The following POLR2F variants were observed in gnomAD, a reference collection of about 807,000 sequenced individuals.
POLR2F encodes the protein RNA polymerase II, I and III subunit F, also known as DNA-directed RNA polymerases I, II, and III subunit RPABC2.
In POLR2F, 12 loss-of-function variants were observed where a neutral mutation model predicts 22.7. The ratio of observed to expected loss-of-function variants is 0.53; its 90% CI spans 0.34 to 0.86. The LOEUF is 0.86. Ranked by LOEUF, POLR2F falls within the 40% of genes least tolerant of loss-of-function variation. The pLI, the probability that POLR2F is intolerant of heterozygous loss-of-function variation, is 0.02. For synonymous variants in POLR2F, 57 were observed against 66.0 expected (o/e 0.86, Z 0.66); for missense variants, 126 against 171.5 (o/e 0.73, Z 1.48).
chr22:37,975,806 C>T (rs1212164789), intron 4 of POLR2F, among the ~76,000 whole-genome samples: 2 of 152,076 alleles, frequency 1.3e-5, no homozygotes, highest in Middle Eastern at 3.2e-3. Context: ...TTTCTGGAAG[C>T]CTTCCTTGAC....
At chr22:37,971,109 G>C, downstream of POLR2F, 1 of 396,634 alleles carries the variant, frequency 2.5e-6, no homozygotes, top group South Asian at 1.9e-5. Context: ...GGAAGGAAGG[G>C]AGCTGAGGAT....
At chr22:38,003,319 C>T (rs905749412) in intron 1 of POLR2F, among the ~76,000 whole-genome samples, 47 of 151,730 alleles carry the variant, frequency 3.1e-4, no homozygotes, top group Non-Finnish European at 3.1e-4. Flanking sequence ...CTCCGCCTCC[C>T]GGGTTCGAGC....
rs1466375092 is a variant in POLR2F at position 37,980,717 on chromosome 22, C to G, written c.293+13547C>G. Among the ~76,000 whole-genome samples the G allele has an allele frequency of 6.6e-6, 1 of 152,242 alleles. No homozygotes were observed. Among genetic ancestry groups the G allele is most frequent in the Non-Finnish European group, 1.5e-5 (1 of 68,040 alleles). ...CCTCATCTGCACCTTCCTGTCAGCCCTCTTTCTCCCTGGTCTCCCAGGTTT... is the reference window on the plus strand; with the variant it reads ...CCTCATCTGCACCTTCCTGTCAGCCGTCTTTCTCCCTGGTCTCCCAGGTTT... On this transcript the variant is annotated intron_variant, in intron 4 of 4. Transcript: ENST00000405557. The surrounding 1 kb of genome is among the most constrained non-coding windows in gnomAD (Gnocchi z 4.1).
chr22:38,030,168 T>C (rs531791590), downstream of POLR2F, among the ~76,000 whole-genome samples: 1 of 152,116 alleles, frequency 6.6e-6, no homozygotes, highest in South Asian at 2.1e-4. Flanking sequence ...CTTTTATTGG[T>C]GGCAAGTGGG....
chr22:37,979,950 G>A (rs891930202), intron 4 of POLR2F, among the ~76,000 whole-genome samples: 17 of 151,980 alleles, frequency 1.1e-4, no homozygotes, highest in African/African-American at 3.4e-4. Flanking sequence ...TCAGCAGAAG[G>A]CCGAGCCCTC....
rs144052752 is a variant in POLR2F at position 38,001,554 on chromosome 22, A to G, written c.120+15242A>G. 4.0e-3 allele frequency among the ~76,000 whole-genome samples: 605 copies of G among 152,142 alleles called. 5 individuals are homozygous for G. The highest frequency in any genetic ancestry group is 6.0e-3 in the Non-Finnish European group (410 of 67,998). ...TAGAGTTGCTTTGTTTGTTTTTTGG[A>G]TGGAGTCTCATTCTGTTGCCCAGGC... is the stretch of plus-strand genomic sequence containing the variant. On this transcript the variant is annotated intron_variant, in intron 1 of 2. Transcript: ENST00000333418.
At chr22:37,956,092 G>C (rs1569160846) in intron 1 of POLR2F, among the ~76,000 whole-genome samples, 1 of 149,892 alleles carries the variant, frequency 6.7e-6, no homozygotes, top group African/African-American at 2.5e-5. Context: ...TTTTGCGGTG[G>C]CGGGGGGGGG....
At chr22:37,964,441 G>A (rs948890103) in intron 3 of POLR2F, among the ~76,000 whole-genome samples, 1 of 152,192 alleles carries the variant, frequency 6.6e-6, no homozygotes, top group Non-Finnish European at 1.5e-5. Context: ...CTGGTCCTGT[G>A]AGTGACAGGT....
At chr22:37,985,967 C>T (rs896208015), upstream of POLR2F, 2 of 950,840 alleles carry the variant, frequency 2.1e-6, no homozygotes, top group African/African-American at 3.3e-5. Flanking sequence ...TGGCCTTGGA[C>T]AATCTCCCCC....
downstream of POLR2F, among the ~76,000 whole-genome samples, chr22:38,030,013 CTAAG>C (rs1223090600): frequency 6.6e-6 from 1 of 152,196 alleles, no homozygotes; most frequent in Non-Finnish European, 1.5e-5. Flanking sequence ...CAGCAGGAAA[CTAAG>C]GAAGCAAGGG....
downstream of POLR2F, chr22:37,971,435 G>A (rs1163270926): frequency 1.3e-5 from 5 of 396,440 alleles, no homozygotes; most frequent in African/African-American, 4.1e-5. Flanking sequence ...TCCAACCATC[G>A]GAGTTGTTCA....
rs996711363 is a variant in POLR2F, at chr22:37,968,657, G to C, written c.*942G>C. The C allele has an allele frequency of 7.1e-6, 7 of 985,310 alleles. No individual in the cohort carries two copies. Among genetic ancestry groups the C allele is most frequent in the Non-Finnish European group, 7.2e-6 (6 of 829,938 alleles). The allele number at this position is 985,310 out of a possible 1,614,324, so 61.0% of individuals were successfully genotyped here. ...GCTCCTCCCTCCTAGAGGGGGTCAG[G>C]GGGAGGGTGTATATTGACATGAACA... is the stretch of plus-strand genomic sequence containing the variant. On this transcript the variant is annotated 3_prime_UTR_variant, in exon 5 of 5. Transcript: ENST00000442738.
chr22:37,984,066 G>A, upstream of POLR2F: 1 of 261,162 alleles, frequency 3.8e-6, no homozygotes, highest in Non-Finnish European at 7.2e-6. The surrounding 1 kb of genome is among the most constrained non-coding windows in gnomAD (Gnocchi z 4.4). Context: ...GGTCCCAACC[G>A]TCTCTTGGTG....
At chr22:38,000,295 A>G (rs2084757466) in intron 1 of POLR2F, among the ~76,000 whole-genome samples, 1 of 152,180 alleles carries the variant, frequency 6.6e-6, no homozygotes, top group African/African-American at 2.4e-5. Flanking sequence ...CAGGGAGCTG[A>G]GGTCTAGAAA....
intron 1 of POLR2F, among the ~76,000 whole-genome samples, chr22:38,002,359 T>C (rs1045830183): frequency 1.3e-5 from 2 of 152,224 alleles, no homozygotes; most frequent in Admixed American, 1.3e-4. Context: ...ACCAGTTCTA[T>C]GTAGCATGTG....
intron 1 of POLR2F, among the ~76,000 whole-genome samples, chr22:38,009,410 C>T (rs139900): frequency 0.65 from 98,239 of 152,032 alleles, 32,603 homozygotes; most frequent in African/African-American, 0.8. Flanking sequence ...GGCCAGGGAG[C>T]TGGGGGTGGC....
downstream of POLR2F, chr22:37,973,879 G>C: frequency 6.2e-7 from 1 of 1,610,322 alleles, no homozygotes; most frequent in South Asian, 1.1e-5. Context: ...GCAGAGCCAC[G>C]CCTGGTGGCT....
intron 2 of POLR2F, among the ~76,000 whole-genome samples, chr22:37,957,070 T>G (rs1462290117): frequency 6.6e-6 from 1 of 152,234 alleles, no homozygotes; most frequent in Non-Finnish European, 1.5e-5. Context: ...TCTGGGGCAG[T>G]TAGTTCACTG....
intron 1 of POLR2F, among the ~76,000 whole-genome samples, chr22:37,954,911 G>A (rs1219603513): frequency 6.6e-6 from 1 of 152,152 alleles, no homozygotes; most frequent in East Asian, 1.9e-4. Flanking sequence ...AACACCAAGA[G>A]GGTGAGGTGT....
Sources: allele counts gnomAD v4.1 joint callset (sites outside exome capture counted in the v4.1 genomes callset), GRCh38; gene constraint gnomAD v4.1.1; non-coding constraint Gnocchi (gnomAD v3.1); transcripts MANE v1.5; gene names NCBI Gene and HGNC (gene_info 2026-07-23, HGNC 2026-07-21).